Variants in MINDY4 observed in about 807,000 individuals in gnomAD.
The protein encoded by MINDY4 is probable ubiquitin carboxyl-terminal hydrolase MINDY-4.
MINDY4 carries 68 observed loss-of-function variants against 87.0 expected under a neutral mutation model. The observed-to-expected ratio is 0.78, with a 90% CI of 0.64 to 0.96. The LOEUF is 0.96. Among genes scored for constraint, MINDY4 ranks in the 40% least tolerant of loss-of-function variants. The pLI, the probability that MINDY4 is intolerant of heterozygous loss-of-function variation, is 0.00. For missense variants in MINDY4, 919 were observed against 928.2 expected (o/e 0.99, Z 0.13); for synonymous variants, 379 against 363.2 (o/e 1.04, Z -0.50).
chr7:30,880,769 C>T (rs1308623041), intron 15 of MINDY4, among the ~76,000 whole-genome samples: 1 of 152,200 alleles, frequency 6.6e-6, no homozygotes, highest in African/African-American at 2.4e-5. Flanking sequence ...ACTTCAATGG[C>T]ACACAGGGCT....
chr7:30,787,602 C>G (rs550963361), intron 4 of MINDY4, among the ~76,000 whole-genome samples: 1 of 152,270 alleles, frequency 6.6e-6, no homozygotes, highest in Middle Eastern at 3.4e-3. Context: ...TGTAGCCTTG[C>G]CTAGTAGCTC....
intron 10 of MINDY4, among the ~76,000 whole-genome samples, chr7:30,850,932 C>G (rs539730216): frequency 1.3e-5 from 2 of 152,314 alleles, no homozygotes; most frequent in East Asian, 3.9e-4. Context: ...TGAGTCAGTC[C>G]TGACCCCACT....
chr7:30,848,679 G>A (rs1199568707), intron 9 of MINDY4, among the ~76,000 whole-genome samples: 5 of 152,304 alleles, frequency 3.3e-5, no homozygotes, highest in African/African-American at 1.2e-4. Context: ...CATCCGGTTC[G>A]GTGAATGCTT....
intron 3 of MINDY4, among the ~76,000 whole-genome samples, chr7:30,783,731 T>A (rs1210060748): frequency 1.3e-5 from 2 of 152,194 alleles, no homozygotes; most frequent in East Asian, 3.9e-4. Flanking sequence ...TACTTTGTGA[T>A]GAAGAGTAGT....
chr7:30,786,630 G>GAAAAAAAAA (rs59508821), intron 4 of MINDY4: 3 of 119,176 alleles, frequency 2.5e-5, no homozygotes, highest in African/African-American at 6.0e-5. Context: ...GTCTCAAAAA[G>GAAAAAAAAA]AAAAAAAAAA....
At chr7:30,798,124 GC>G (rs1787547051) in intron 5 of MINDY4, among the ~76,000 whole-genome samples, 1 of 152,134 alleles carries the variant, frequency 6.6e-6, no homozygotes, top group Admixed American at 6.5e-5. Flanking sequence ...TTAGCCTGTT[GC>G]TCCTAGTATA....
rs539625584 is a variant in MINDY4 at position 30,880,578 on chromosome 7, C to T, written c.1972-1603C>T. ...GGTTGGCTTTGGGACTCTCTCCCTGCCGTGAATGAATGCTGGGTCCCTGTG... is the reference window on the plus strand; with the variant it reads ...GGTTGGCTTTGGGACTCTCTCCCTGTCGTGAATGAATGCTGGGTCCCTGTG... On this transcript the variant is annotated intron_variant, in intron 15 of 17. Coordinates refer to ENST00000265299, the MANE Select transcript of MINDY4 (RefSeq NM_032222.3). Among the ~76,000 whole-genome samples the T allele has an allele frequency of 4.6e-5, 7 of 152,264 alleles. No homozygotes were observed. The East Asian group carries it at 1.2e-3, about 25-fold the overall frequency.
rs1176212442 is a variant in MINDY4 at position 30,857,461 on chromosome 7, GTTTTTTTTTTTT to G, written c.1678-1778_1678-1767del. Among the ~76,000 whole-genome samples, 11 of 58,996 alleles carry G rather than the reference GTTTTTTTTTTTT, an allele frequency of 1.9e-4. 3 individuals carry two copies. Among genetic ancestry groups the G allele is most frequent in the Non-Finnish European group, 3.1e-4 (11 of 35,048 alleles). The allele number at this position is 58,996 out of a possible 152,430, so 38.7% of individuals were successfully genotyped here. A position where few individuals can be genotyped will look rare whatever the true frequency, so the allele number is the denominator to read the frequency against. On this transcript the variant is annotated intron_variant, in intron 12 of 17. Transcript: ENST00000265299. ...AAGAGGAGAGATCCATATCCACCTT[GTTTTTTTTTTTT>G]TTTTTTTTTTTTTTTTTGAGACGGA...
At chr7:30,868,959 A>C (rs979377017) in intron 13 of MINDY4, among the ~76,000 whole-genome samples, 1 of 152,158 alleles carries the variant, frequency 6.6e-6, no homozygotes, top group Non-Finnish European at 1.5e-5. Flanking sequence ...CTATTCTGTG[A>C]GTTTTCACCC....
intron 3 of MINDY4, among the ~76,000 whole-genome samples, chr7:30,782,496 G>T (rs1278580003): frequency 6.6e-6 from 1 of 152,130 alleles, no homozygotes; most frequent in African/African-American, 2.4e-5. Context: ...GAGGCTGGGA[G>T]TTCGAGTTCA....
intron 6 of MINDY4, 133 bp downstream of exon 6, chr7:30,828,870 G>GTA: frequency 1.3e-6 from 1 of 755,882 alleles, no homozygotes; most frequent in Admixed American, 2.1e-5. Flanking sequence ...GGTCAAGTGA[G>GTA]TAGAGTAGAC....
At chr7:30,881,473 C>T (rs1790461575) in intron 15 of MINDY4, among the ~76,000 whole-genome samples, 2 of 152,208 alleles carry the variant, frequency 1.3e-5, no homozygotes, top group African/African-American at 4.8e-5. Context: ...CTCACTCAGA[C>T]CTTTCCCTCC....
chr7:30,809,841 A>G (rs937505642), intron 5 of MINDY4, among the ~76,000 whole-genome samples: 18 of 152,104 alleles, frequency 1.2e-4, no homozygotes, highest in African/African-American at 4.1e-4. Context: ...AGTGTTATAT[A>G]GCAAATTCTT....
At chr7:30,845,053 G>A (rs1241829641) in intron 9 of MINDY4, among the ~76,000 whole-genome samples, 1 of 152,168 alleles carries the variant, frequency 6.6e-6, no homozygotes, top group Non-Finnish European at 1.5e-5. Context: ...CTGGCACCTG[G>A]TGCCCCTGTG....
Position 30,791,518 on chromosome 7 carries a change from C to T in MINDY4, c.1017C>T (p.Thr339=). Residue 339 remains threonine, a synonymous_variant, in exon 5 of 18, where the codon ACC becomes ACT. Coordinates refer to ENST00000265299, the MANE Select transcript of MINDY4 (RefSeq NM_032222.3). ...TGCCTGGTGGTAATTCCAGGATGACCCAGGAGAGGCTGGAAAGAGCGTTCA... is the reference window on the plus strand; with the variant it reads ...TGCCTGGTGGTAATTCCAGGATGACTCAGGAGAGGCTGGAAAGAGCGTTCA... ...LYLPGGNSRM[T]QERLERAFKR... is the part of the protein sequence containing the mutation. The T allele has an allele frequency of 6.2e-7, 1 of 1,613,776 alleles. No homozygotes were observed. Among genetic ancestry groups the T allele is most frequent in the Non-Finnish European group, 8.5e-7 (1 of 1,179,806 alleles).
At chr7:30,880,609 G>T (rs576578678) in intron 15 of MINDY4, among the ~76,000 whole-genome samples, 1 of 152,292 alleles carries the variant, frequency 6.6e-6, no homozygotes, top group African/African-American at 2.4e-5. Flanking sequence ...CTGTGTCAGG[G>T]TTCCCTGTTC....
At chr7:30,880,048 A>G (rs1489256414) in intron 15 of MINDY4, among the ~76,000 whole-genome samples, 1 of 152,192 alleles carries the variant, frequency 6.6e-6, no homozygotes. Flanking sequence ...GGTAAGCTCC[A>G]TAAGGACAGC....
chr7:30,790,664 C>T (rs753415780), intron 4 of MINDY4, among the ~76,000 whole-genome samples: 77 of 152,158 alleles, frequency 5.1e-4, no homozygotes, highest in Non-Finnish European at 8.1e-4. Context: ...AGGCTGGTCT[C>T]GAATTCCTGA....
At chr7:30,843,437 T>C (rs530406390) in intron 9 of MINDY4, among the ~76,000 whole-genome samples, 96 of 152,346 alleles carry the variant, frequency 6.3e-4, no homozygotes, top group African/African-American at 2.2e-3. Flanking sequence ...TCTAAACTCA[T>C]TTCAGCCTAG....
Sources: gnomAD v4.1 joint callset for allele counts (sites outside exome capture counted in the v4.1 genomes callset) on GRCh38, gnomAD v4.1.1 for gene constraint, MANE v1.5 for transcripts, NCBI Gene and HGNC (gene_info 2026-07-23, HGNC 2026-07-21) for gene names.